Variants in MIA3 observed in about 807,000 individuals in gnomAD.
MIA3 encodes the protein transport and Golgi organization protein 1 homolog.
A neutral mutation model predicts 192.4 loss-of-function variants in MIA3; 90 were observed. That is an observed-to-expected ratio of 0.47 (90% CI 0.39 to 0.56). The LOEUF is 0.56. Among genes scored for constraint, MIA3 ranks in the 20% least tolerant of loss-of-function variants. The pLI, the probability that MIA3 is intolerant of heterozygous loss-of-function variation, is 0.00. For synonymous variants in MIA3, 740 were observed against 792.8 expected, an observed-to-expected ratio of 0.93 and a Z score of 1.12; for missense variants, 2,123 against 2,269.4, an observed-to-expected ratio of 0.94 and a Z score of 1.31.
chr1:222,629,716 C>T lies in MIA3; in HGVS notation c.2496C>T (p.Asp832=), dbSNP rs771993061. ...CATTTGAACGAAGTGACTTTTCTGA[C>T]AGCATAAAAATTCAGACTCCAGAAT... ...QRPFERSDFS[D]SIKIQTPELG... is the part of the protein sequence containing the mutation. Residue 832 remains aspartate (D), a synonymous_variant, in exon 4 of 28, where the codon GAC becomes GAT. Transcript: ENST00000344922. 1.9e-6 allele frequency: 3 copies of T among 1,614,124 alleles called. No individual in the cohort carries two copies. The South Asian group carries it at 3.3e-5, about 18-fold the overall frequency.
chr1:222,649,173 ATATT>A (rs1262125688), intron 8 of MIA3: 1 of 185,386 alleles, frequency 5.4e-6, no homozygotes, highest in Non-Finnish European at 1.1e-5. Context: ...AGTACATTAA[ATATT>A]TATTTAAGTA....
At chr1:222,655,411 CA>C (rs1309087609) in intron 18 of MIA3, among the ~76,000 whole-genome samples, 1 of 152,130 alleles carries the variant, frequency 6.6e-6, no homozygotes, top group Non-Finnish European at 1.5e-5. Context: ...TTTTTGTCCA[CA>C]AAAACATCTG....
Position 222,652,246 on chromosome 1 carries a change from G to A in MIA3, c.4000G>A (p.Glu1334Lys), listed in dbSNP as rs760681195. The A allele has an allele frequency of 9.7e-5, 157 of 1,613,172 alleles. No individual in the cohort carries two copies. The highest frequency in any genetic ancestry group is 1.3e-4 in the Non-Finnish European group (154 of 1,179,308). Reference protein sequence around the residue: ...EFSEVQIALNEAKLSEEKVKS... With the variant: ...EFSEVQIALNKAKLSEEKVKS... ...GCATTAGGTTCAGATTGCACTTAAT[G>A]AAGCTAAGCTTAGTGAAGAGAAGGT... Residue 1334 changes from glutamate to lysine, a missense_variant, in exon 13 of 28, where the codon GAA becomes AAA. Around this residue, in one of 3 missense-constraint regions of MIA3, gnomAD observed 762 missense variants for 856.4 expected, o/e 0.89. Coordinates refer to ENST00000344922, the MANE Select transcript of MIA3 (RefSeq NM_198551.4).
chr1:222,619,570 C>T (rs576349988), intron 1 of MIA3, among the ~76,000 whole-genome samples: 2 of 152,292 alleles, frequency 1.3e-5, no homozygotes, highest in Admixed American at 1.3e-4. Flanking sequence ...ATGATTTTTC[C>T]CTTTAGTTTT....
At chr1:222,645,769 A>G in intron 7 of MIA3, 84 bp downstream of exon 7, 1 of 1,216,448 alleles carries the variant, frequency 8.2e-7, no homozygotes, top group Non-Finnish European at 1.2e-6. Flanking sequence ...TTCAGTTTCT[A>G]ATATGAACAG....
At chr1:222,644,509 G>A (rs1435544018) in intron 6 of MIA3, 1 of 1,550,574 alleles carries the variant, frequency 6.4e-7, no homozygotes. Flanking sequence ...GCCTTCTATC[G>A]CCGCTACCCC....
In MIA3 at chr1:222,629,713, T is replaced by C. The variant is rs192420999; in HGVS notation, c.2493T>C (p.Ser831=). ...AQRPFERSDF[S]DSIKIQTPEL... ...GACCATTTGAACGAAGTGACTTTTC[T>C]GACAGCATAAAAATTCAGACTCCAG... The change falls in exon 4 of 28, where the codon TCT becomes TCC. Residue 831 remains serine, a synonymous_variant. Coordinates refer to ENST00000344922, the MANE Select transcript of MIA3 (RefSeq NM_198551.4). 1.9e-6 allele frequency: 3 copies of C among 1,614,192 alleles called. No individual in the cohort carries two copies. The highest frequency in any genetic ancestry group is 2.2e-5 in the East Asian group (1 of 44,890).
Position 222,628,799 on chromosome 1 carries a change from G to A in MIA3, c.1579G>A (p.Asp527Asn), listed in dbSNP as rs773230620. 1.9e-6 allele frequency: 3 copies of A among 1,614,110 alleles called. No individual in the cohort carries two copies. Among genetic ancestry groups the A allele is most frequent in the East Asian group, 4.5e-5 (2 of 44,886 alleles). Residue 527 changes from aspartate (D) to asparagine (N), a missense_variant, in exon 4 of 28, where the codon GAC (aspartate) becomes AAC (asparagine). By Grantham distance (23) the Asp-to-Asn change is conservative (BLOSUM62 1). Transcript: ENST00000344922. ...ATCAGCTTATGATGATACAGAAAAT[G>A]ACCTAAAAGGAGCAGCTATTCATAT... ...LKSAYDDTENDLKGAAIHISK... is the reference protein window; with the variant it reads ...LKSAYDDTENNLKGAAIHISK...
intron 7 of MIA3, among the ~76,000 whole-genome samples, chr1:222,647,045 A>G (rs1205530842): frequency 6.6e-6 from 1 of 152,226 alleles, no homozygotes; most frequent in Non-Finnish European, 1.5e-5. Context: ...AAAAATTCTT[A>G]TATCTAGGAG....
chr1:222,652,254 G>C lies in MIA3; in HGVS notation c.4008G>C (p.Lys1336Asn), dbSNP rs764822728. ...SEVQIALNEA[K>N]LSEEKVKSEC... is the part of the protein sequence containing the mutation. ...TTCAGATTGCACTTAATGAAGCTAA[G>C]CTTAGTGAAGAGAAGGTGAAGTCTG... The change falls in exon 13 of 28, where the codon AAG (lysine) becomes AAC (asparagine). Residue 1336 changes from lysine (K) to asparagine (N), a missense_variant. Around this residue, in one of 3 missense-constraint regions of MIA3, gnomAD observed 762 missense variants for 856.4 expected, o/e 0.89. Transcript: ENST00000344922. 3.7e-6 allele frequency: 6 copies of C among 1,613,584 alleles called. No homozygotes were observed. The African/African-American group carries it at 6.7e-5, about 18-fold the overall frequency.
Position 222,653,005 on chromosome 1 carries a change from C to T in MIA3, c.4087-3C>T, listed in dbSNP as rs1663522389. The T allele has an allele frequency of 1.2e-6, 2 of 1,608,458 alleles. No individual in the cohort carries two copies. The highest frequency in any genetic ancestry group is 2.7e-5 in the African/African-American group (2 of 74,814). ...GTGGGAATCATGTGTTTTAACTTTG[C>T]AGTTGCAGCAGGAAATCGAAGACTG... is the stretch of plus-strand genomic sequence containing the variant. On this transcript the variant is annotated splice_polypyrimidine_tract_variant and splice_region_variant and intron_variant, in intron 13 of 27. Transcript: ENST00000344922.
intron 15 of MIA3, 58 bp downstream of exon 15, chr1:222,653,397 A>G (rs779884076): frequency 5.2e-5 from 56 of 1,080,608 alleles, no homozygotes; most frequent in Non-Finnish European, 7.1e-5. Context: ...TAAGTGCACC[A>G]GTGCTACTTT....
At position 222,666,410 on chromosome 1, in the gene MIA3, G is replaced by GTTGT. The variant is rs1055082504; in HGVS notation, c.*795_*798dup. 33 of 152,258 alleles carry GTTGT rather than the reference G, an allele frequency of 2.2e-4. No homozygotes were observed. Among genetic ancestry groups the GTTGT allele is most frequent in the African/African-American group, 7.0e-4 (29 of 41,544 alleles). 9.4% of individuals were successfully genotyped at this position (152,258 alleles called of 1,614,324 possible). A position where few individuals can be genotyped will look rare whatever the true frequency, so the allele number is the denominator to read the frequency against. ...GAGTGAGTTTACATTAGTAGCAAGA[G>GTTGT]TTGTTTGACCTGATGTTCCATTGTT... is the stretch of plus-strand genomic sequence containing the variant. On this transcript the variant is annotated 3_prime_UTR_variant, in exon 28 of 28. Coordinates refer to ENST00000344922, the MANE Select transcript of MIA3 (RefSeq NM_198551.4).
At chr1:222,652,917 G>C in intron 13 of MIA3, 91 bp from the exon 14 acceptor site, 1 of 1,434,584 alleles carries the variant, frequency 7.0e-7, no homozygotes, top group Non-Finnish European at 9.4e-7. Flanking sequence ...GGAGAGGCAT[G>C]GTTCCTTATT....
intron 3 of MIA3, among the ~76,000 whole-genome samples, chr1:222,626,048 C>T (rs934210951): frequency 1.3e-5 from 2 of 152,132 alleles, no homozygotes; most frequent in Non-Finnish European, 2.9e-5. Flanking sequence ...TAAAAAACAC[C>T]ATGCCCAGCC....
At position 222,628,932 on chromosome 1, in the gene MIA3, A is replaced by T; in HGVS notation, c.1712A>T (p.Lys571Met). 6.2e-7 allele frequency: 1 copy of T among 1,614,230 alleles called. No individual in the cohort carries two copies. ...GCAGGGAATCAAATGAATGACAGAA[A>T]GATTCAACAGGAATCCCTGGGTAGT... ...KAAGNQMNDR[K>M]IQQESLGSAP... Residue 571 changes from lysine (K) to methionine (M), a missense_variant, in exon 4 of 28, where the codon AAG becomes ATG. Lys to Met is a moderately conservative substitution (Grantham distance 95). Coordinates refer to ENST00000344922, the MANE Select transcript of MIA3 (RefSeq NM_198551.4).
chr1:222,651,080 T>TA (rs1663405677), intron 11 of MIA3, among the ~76,000 whole-genome samples, 177 bp downstream of exon 11: 1 of 152,202 alleles, frequency 6.6e-6, no homozygotes, highest in African/African-American at 2.4e-5. Context: ...AAATTATTCT[T>TA]ACAGGCCTAG....
chr1:222,661,742 CAGTA>C (rs1386608784), intron 24 of MIA3, among the ~76,000 whole-genome samples: 1 of 152,022 alleles, frequency 6.6e-6, no homozygotes, highest in Non-Finnish European at 1.5e-5. Context: ...CTATAATACT[CAGTA>C]AGATACGGAA....
At chr1:222,645,169 A>G (rs2124888390) in intron 6 of MIA3, among the ~76,000 whole-genome samples, 1 of 152,056 alleles carries the variant, frequency 6.6e-6, no homozygotes, top group South Asian at 2.1e-4. Context: ...ATAAAAAGTT[A>G]GTTACTTGTA....
Sources: gnomAD v4.1 joint callset for allele counts (sites outside exome capture counted in the v4.1 genomes callset) on GRCh38, gnomAD v4.1.1 for gene constraint, gnomAD v4.1.1 regional missense constraint, MANE v1.5 for transcripts, NCBI Gene and HGNC (gene_info 2026-07-23, HGNC 2026-07-21) for gene names.